DIPK2A: variants seen among roughly 807,000 people sequenced by gnomAD.
DIPK2A encodes the protein Golgi Protein of 49 kDa.
Under a neutral mutation model 39.0 loss-of-function variants are expected in DIPK2A, and 27 were observed. The ratio of observed to expected loss-of-function variants is 0.69; its 90% CI spans 0.51 to 0.96. The LOEUF is 0.96. Among genes scored for constraint, DIPK2A ranks in the 40% least tolerant of loss-of-function variants. The probability of loss-of-function intolerance (pLI) is 0.00; values close to 1 mark genes in which losing one functional copy is unlikely to be tolerated. For synonymous variants in DIPK2A, 298 were observed against 240.8 expected (o/e 1.24, Z -2.20); for missense variants, 528 against 571.3 (o/e 0.92, Z 0.77).
intron 2 of DIPK2A, 142 bp from the exon 3 acceptor site, chr3:143,989,368 T>C (rs1168504060): frequency 1.7e-6 from 1 of 596,038 alleles, no homozygotes; most frequent in Admixed American, 3.1e-5. Flanking sequence ...TGAATTTATA[T>C]ATTTAAATGT....
rs2087993691 is a variant in DIPK2A at position 143,991,868 on chromosome 3, T to C, written c.*2027T>C. On this transcript the variant is annotated 3_prime_UTR_variant, in exon 3 of 3. Coordinates refer to ENST00000315691, the MANE Select transcript of DIPK2A (RefSeq NM_173552.5). ...CAGTCACAAAGAGGTTGTCTGTCTA[T>C]GGTTTAGCAAACATTTGCTTTTCTT... is the stretch of plus-strand genomic sequence containing the variant. 6.6e-6 allele frequency: 1 copy of C among 152,234 alleles called. No homozygotes were observed. Among genetic ancestry groups the C allele is most frequent in the Admixed American group, 6.5e-5 (1 of 15,286 alleles). The allele number at this position is 152,234 out of a possible 1,614,324, so 9.4% of individuals were successfully genotyped here. A position where few individuals can be genotyped will look rare whatever the true frequency, so the allele number is the denominator to read the frequency against.
intron 1 of DIPK2A, 111 bp from the exon 2 acceptor site, chr3:143,985,432 T>G: frequency 1.1e-6 from 1 of 937,342 alleles, no homozygotes; most frequent in Non-Finnish European, 1.6e-6. Context: ...TTGAATGTAA[T>G]AAGAAAATCC....
chr3:143,985,528 A>G lies in DIPK2A; in HGVS notation c.658-15A>G, dbSNP rs2087886384. ...CATCAGAATCTCTTGTAATATTAAGATAATTCTTTTGTAGAGTTTTCCGTC... is the reference window on the plus strand; with the variant it reads ...CATCAGAATCTCTTGTAATATTAAGGTAATTCTTTTGTAGAGTTTTCCGTC... On this transcript the variant is annotated splice_polypyrimidine_tract_variant and intron_variant, in intron 1 of 2. Coordinates refer to ENST00000315691, the MANE Select transcript of DIPK2A (RefSeq NM_173552.5). 1 of 1,604,066 alleles carries G rather than the reference A, an allele frequency of 6.2e-7. No individual in the cohort carries two copies. The highest frequency in any genetic ancestry group is 8.5e-7 in the Non-Finnish European group (1 of 1,171,920).
At chr3:143,986,002 A>G (rs2087894364) in intron 2 of DIPK2A, 156 bp downstream of exon 2, 1 of 612,558 alleles carries the variant, frequency 1.6e-6, no homozygotes, top group South Asian at 2.1e-5. Flanking sequence ...ACAAATACAG[A>G]TACTCTTTGA....
In DIPK2A at chr3:143,985,781, A is replaced by G. The variant is rs549220505; in HGVS notation, c.896A>G (p.Asp299Gly). 6.2e-7 allele frequency: 1 copy of G among 1,614,108 alleles called. No homozygotes were observed. The highest frequency in any genetic ancestry group is 1.1e-5 in the South Asian group (1 of 91,074). ...GACAATTTTGCAGTTGGTCCTAGAGATGGGAAGGTAATCATTGTGGATGCT... is the reference window on the plus strand; with the variant it reads ...GACAATTTTGCAGTTGGTCCTAGAGGTGGGAAGGTAATCATTGTGGATGCT... Reference protein sequence around the residue: ...SFDNFAVGPRDGKVIIVDAEN... With the variant: ...SFDNFAVGPRGGKVIIVDAEN... Residue 299 changes from aspartate to glycine, a missense_variant, in exon 2 of 3, where the codon GAT (aspartate) becomes GGT (glycine). By Grantham distance (94) the Asp-to-Gly change is moderately conservative. Coordinates refer to ENST00000315691, the MANE Select transcript of DIPK2A (RefSeq NM_173552.5).
intron 1 of DIPK2A, among the ~76,000 whole-genome samples, chr3:143,975,938 A>C (rs1053302721): frequency 2.0e-5 from 3 of 152,102 alleles, no homozygotes; most frequent in Non-Finnish European, 4.4e-5. Context: ...ATTTCTTTTG[A>C]TAAGGTGTTT....
At chr3:143,987,978 A>C (rs923029999) in intron 2 of DIPK2A, among the ~76,000 whole-genome samples, 6 of 152,234 alleles carry the variant, frequency 3.9e-5, no homozygotes, top group Admixed American at 3.3e-4. Flanking sequence ...TTCAAAAAAC[A>C]TTAACTTACT....
intron 1 of DIPK2A, among the ~76,000 whole-genome samples, chr3:143,974,088 G>C (rs2107838171): frequency 6.6e-6 from 1 of 150,720 alleles, no homozygotes; most frequent in Non-Finnish European, 1.5e-5. Context: ...CATTCTTTCT[G>C]GGTTGCTGTC....
intron 1 of DIPK2A, 78 bp downstream of exon 1, chr3:143,973,067 C>A: frequency 1.3e-6 from 2 of 1,486,196 alleles, no homozygotes; most frequent in Non-Finnish European, 1.8e-6. Flanking sequence ...GTGGCTCAGC[C>A]AGCGCTTGCC....
At chr3:143,986,574 A>G (rs2087902643) in intron 2 of DIPK2A, among the ~76,000 whole-genome samples, 1 of 152,050 alleles carries the variant, frequency 6.6e-6, no homozygotes, top group Non-Finnish European at 1.5e-5. Flanking sequence ...AATACAAAAA[A>G]TTAGCCGGGC....
Position 143,978,649 on chromosome 3 carries a change from TATATATATATCTATATATAG to T in DIPK2A, c.657+5671_657+5690del, listed in dbSNP as rs1559854219. 5.1e-4 allele frequency: 21 copies of T among 41,572 alleles called. 1 individual carries two copies. The South Asian group carries it at 0.011, about 23-fold the overall frequency. The allele number at this position is 41,572 out of a possible 1,614,324, so 2.6% of individuals were successfully genotyped here. On this transcript the variant is annotated intron_variant, in intron 1 of 2. Coordinates refer to ENST00000315691, the MANE Select transcript of DIPK2A (RefSeq NM_173552.5). ...ATATATATATATATATCTATATATATATATATATATCTATATATAGATATATATATATCTATATATATATA... is the reference window on the plus strand; with the variant it reads ...ATATATATATATATATCTATATATATATATATATATATCTATATATATATA...
At chr3:143,973,767 T>C in intron 1 of DIPK2A, 1 of 596,004 alleles carries the variant, frequency 1.7e-6, no homozygotes, top group South Asian at 2.0e-5. Flanking sequence ...AGGAGATTCT[T>C]GCCTTTCGCC....
rs2107850437 is a variant in DIPK2A, at chr3:143,989,800, C to T, written c.1252C>T (p.Leu418=). ...RYGRFQAAKE[L]REYLAQLSNN... ...TGGCAGATTCCAGGCTGCAAAAGAACTGCGTGAATACCTAGCACAATTAAG... is the reference window on the plus strand; with the variant it reads ...TGGCAGATTCCAGGCTGCAAAAGAATTGCGTGAATACCTAGCACAATTAAG... The change falls in exon 3 of 3, where the codon CTG becomes TTG. Residue 418 remains leucine (L), a synonymous_variant. Transcript: ENST00000315691. 6.2e-7 allele frequency: 1 copy of T among 1,614,080 alleles called. No individual in the cohort carries two copies. Among genetic ancestry groups the T allele is most frequent in the Non-Finnish European group, 8.5e-7 (1 of 1,180,030 alleles).
intron 1 of DIPK2A, among the ~76,000 whole-genome samples, chr3:143,983,460 G>A (rs917918769): frequency 2.6e-5 from 4 of 152,108 alleles, no homozygotes; most frequent in African/African-American, 9.7e-5. Context: ...AATGACTACT[G>A]GGTAAATGAT....
chr3:143,980,603 C>A (rs896481993), intron 1 of DIPK2A, among the ~76,000 whole-genome samples: 1 of 150,612 alleles, frequency 6.6e-6, no homozygotes, highest in African/African-American at 2.5e-5. Context: ...ATGACATATA[C>A]TTTCTAAGAG....
intron 1 of DIPK2A, chr3:143,973,768 GC>G (rs2087691502): frequency 6.7e-6 from 4 of 595,160 alleles, no homozygotes; most frequent in Admixed American, 3.0e-5. Context: ...GGAGATTCTT[GC>G]CTTTCGCCAG....
chr3:143,972,146 G>A lies in DIPK2A; in HGVS notation c.-187G>A, dbSNP rs951327118. 5 of 443,214 alleles carry A rather than the reference G, an allele frequency of 1.1e-5. No homozygotes were observed. The highest frequency in any genetic ancestry group is 8.7e-5 in the Admixed American group (2 of 23,016). 27.5% of individuals were successfully genotyped at this position (443,214 alleles called of 1,614,324 possible). A position where few individuals can be genotyped will look rare whatever the true frequency, so the allele number is the denominator to read the frequency against. ...AGACTAGTGACTGGGAGAAGTCGCAGCCCGCTCAGGCCCGCGCCTTCCCGC... is the reference window on the plus strand; with the variant it reads ...AGACTAGTGACTGGGAGAAGTCGCAACCCGCTCAGGCCCGCGCCTTCCCGC... On this transcript the variant is annotated 5_prime_UTR_variant, in exon 1 of 3. Coordinates refer to ENST00000315691, the MANE Select transcript of DIPK2A (RefSeq NM_173552.5).
intron 2 of DIPK2A, chr3:143,986,082 C>T (rs934036397): frequency 4.1e-6 from 2 of 489,486 alleles, no homozygotes; most frequent in South Asian, 2.7e-5. Flanking sequence ...TATATCTAAC[C>T]TACGGGACAT....
intron 1 of DIPK2A, among the ~76,000 whole-genome samples, chr3:143,983,401 A>T (rs1458319138): frequency 6.6e-6 from 1 of 152,184 alleles, no homozygotes; most frequent in Non-Finnish European, 1.5e-5. Context: ...GAATTAAGAA[A>T]CTCACTCAAA....
Sources: gnomAD v4.1 joint callset for allele counts (sites outside exome capture counted in the v4.1 genomes callset) on GRCh38, gnomAD v4.1.1 for gene constraint, MANE v1.5 for transcripts, NCBI Gene and HGNC (gene_info 2026-07-23, HGNC 2026-07-21) for gene names.